ZDHHC14: variants seen among roughly 807,000 people sequenced by gnomAD.
ZDHHC14 encodes palmitoyltransferase ZDHHC14.
In ZDHHC14, 16 loss-of-function variants were observed where a neutral mutation model predicts 47.7. That is an observed-to-expected ratio of 0.34 (90% confidence interval 0.23 to 0.51). ZDHHC14 has a LOEUF of 0.51. Among genes scored for constraint, ZDHHC14 ranks in the 20% least tolerant of loss-of-function variants. The pLI is 0.97. For missense variants in ZDHHC14, 515 were observed against 662.5 expected (o/e 0.78, Z 2.44); for synonymous variants, 293 against 278.9 (o/e 1.05, Z -0.50).
At chr6:157,629,805 A>G (rs9365202) in intron 4 of ZDHHC14, 84,833 of 151,868 alleles carry the variant, frequency 0.56, 25,857 homozygotes, top group East Asian at 0.87. Context: ...TCTATTTTCA[A>G]AGTCCTCAAA....
chr6:157,482,617 A>G (rs1056614564), intron 1 of ZDHHC14, among the ~76,000 whole-genome samples: 3 of 152,002 alleles, frequency 2.0e-5, no homozygotes, highest in African/African-American at 4.8e-5. Context: ...CAAGCTGATC[A>G]ACACTGTCTT....
At chr6:157,531,355 C>G (rs1781359850) in intron 1 of ZDHHC14, among the ~76,000 whole-genome samples, 2 of 152,174 alleles carry the variant, frequency 1.3e-5, no homozygotes, top group South Asian at 4.2e-4. Context: ...TTCCGCCAGT[C>G]ACTCGGTGCA....
Position 157,463,129 on chromosome 6 carries a change from C to G in ZDHHC14, c.246-79456C>G, listed in dbSNP as rs141500866. On this transcript the variant is annotated intron_variant, in intron 1 of 8. Coordinates refer to ENST00000359775, the MANE Select transcript of ZDHHC14 (RefSeq NM_024630.3). This position sits in a 1 kb window ranked among gnomAD's most constrained non-coding sequence, Gnocchi z 4.4. ...GAGTTGTTGGCTATTCAGACATGCA[C>G]GTGAGGCAGCTGGAAATGAGATCCT... Among the ~76,000 whole-genome samples, 1 of 152,104 alleles carries G rather than the reference C, an allele frequency of 6.6e-6. No individual in the cohort carries two copies. Among genetic ancestry groups the G allele is most frequent in the African/African-American group, 2.4e-5 (1 of 41,384 alleles).
chr6:157,459,937 C>T (rs187285443), intron 1 of ZDHHC14, among the ~76,000 whole-genome samples: 9 of 150,988 alleles, frequency 6.0e-5, no homozygotes, highest in African/African-American at 1.7e-4. Flanking sequence ...TTAGGCCGGG[C>T]GTGGTGTCTC....
chr6:157,395,327 A>AT lies in ZDHHC14; in HGVS notation c.245+13079dup, dbSNP rs566892431. Among the ~76,000 whole-genome samples, 519 of 133,210 alleles carry AT rather than the reference A, an allele frequency of 3.9e-3. 1 individual carries two copies. Among genetic ancestry groups the AT allele is most frequent in the Middle Eastern group, 0.011 (3 of 264 alleles). 87.4% of individuals were successfully genotyped at this position (133,210 alleles called of 152,430 possible). A position where few individuals can be genotyped will look rare whatever the true frequency, so the allele number is the denominator to read the frequency against. ...AGGCACACACCACCACACCTAGCTAATTTTTTTTTTTTTTTTTTAGTAGAG... is the reference window on the plus strand; with the variant it reads ...AGGCACACACCACCACACCTAGCTAATTTTTTTTTTTTTTTTTTTAGTAGAG... On this transcript the variant is annotated intron_variant, in intron 1 of 8. Transcript: ENST00000359775.
intron 3 of ZDHHC14, among the ~76,000 whole-genome samples, chr6:157,604,176 A>G (rs1317951972): frequency 6.6e-6 from 1 of 151,904 alleles, no homozygotes; most frequent in African/African-American, 2.4e-5. Flanking sequence ...AAGCCCAACT[A>G]CCCAGGAGGC....
chr6:157,630,730 G>T (rs11964344), intron 4 of ZDHHC14: 6 of 143,300 alleles, frequency 4.2e-5, no homozygotes, highest in African/African-American at 1.3e-4. Flanking sequence ...CCCACACACC[G>T]CCTTACACAC....
rs112168600 is a variant in ZDHHC14, at chr6:157,563,785, A to G, written c.406+21040A>G. 7.3e-3 allele frequency among the ~76,000 whole-genome samples: 1,119 copies of G among 152,314 alleles called. 13 individuals are homozygous for G. The highest frequency in any genetic ancestry group is 0.026 in the African/African-American group (1,074 of 41,576). On this transcript the variant is annotated intron_variant, in intron 2 of 8. Coordinates refer to ENST00000359775, the MANE Select transcript of ZDHHC14 (RefSeq NM_024630.3). ...GCCAGACTTCTAGGTTAGTTAGTTG[A>G]GGCTGTGGGGCTGCGGTGAGTGAGG...
intron 1 of ZDHHC14, among the ~76,000 whole-genome samples, chr6:157,398,714 A>G (rs1487813166): frequency 6.6e-6 from 1 of 152,244 alleles, no homozygotes; most frequent in Non-Finnish European, 1.5e-5. Context: ...GATTGTATCA[A>G]ATTAAAATGT....
intron 5 of ZDHHC14, among the ~76,000 whole-genome samples, chr6:157,636,476 G>A (rs1028863580): frequency 6.6e-5 from 10 of 152,064 alleles, no homozygotes; most frequent in Admixed American, 6.5e-5. Context: ...GCTGGCCCAC[G>A]CTGCTCACAG....
chr6:157,485,033 GT>G (rs780502420), intron 1 of ZDHHC14, among the ~76,000 whole-genome samples: 1 of 152,128 alleles, frequency 6.6e-6, no homozygotes, highest in Non-Finnish European at 1.5e-5. Context: ...GGAGGCAGAG[GT>G]TGACATGAGA....
At chr6:157,551,032 G>A (rs1782209214) in intron 2 of ZDHHC14, among the ~76,000 whole-genome samples, 1 of 152,166 alleles carries the variant, frequency 6.6e-6, no homozygotes, top group Non-Finnish European at 1.5e-5. Context: ...AAAGGACCAA[G>A]TGGCATGAAG....
At chr6:157,567,829 T>TAA (rs1782963598) in intron 2 of ZDHHC14, among the ~76,000 whole-genome samples, 1 of 145,248 alleles carries the variant, frequency 6.9e-6, no homozygotes, top group Admixed American at 6.8e-5. Context: ...AAAAAAAAGT[T>TAA]GGACCAGATT....
At chr6:157,572,542 G>C (rs559526927) in intron 2 of ZDHHC14, among the ~76,000 whole-genome samples, 2 of 151,574 alleles carry the variant, frequency 1.3e-5, no homozygotes, top group Non-Finnish European at 2.9e-5. Flanking sequence ...TGTGCACAAC[G>C]TGCAGGTTTG....
chr6:157,568,423 T>TA (rs1276211127), intron 2 of ZDHHC14, among the ~76,000 whole-genome samples: 1 of 151,560 alleles, frequency 6.6e-6, no homozygotes, highest in African/African-American at 2.4e-5. Flanking sequence ...CATTGTACAT[T>TA]ACTATTTTGA....
intron 8 of ZDHHC14, among the ~76,000 whole-genome samples, chr6:157,663,616 C>A (rs1778431160): frequency 6.6e-6 from 1 of 152,162 alleles, no homozygotes; most frequent in Admixed American, 6.5e-5. Flanking sequence ...GGCGAACAGG[C>A]CTTTCTGTTG....
At chr6:157,592,493 G>A (rs1783946655) in intron 2 of ZDHHC14, among the ~76,000 whole-genome samples, 1 of 152,156 alleles carries the variant, frequency 6.6e-6, no homozygotes, top group African/African-American at 2.4e-5. Context: ...GCGAATTAGG[G>A]TGGTGTGTTA....
intron 1 of ZDHHC14, among the ~76,000 whole-genome samples, chr6:157,486,519 A>G (rs1779781097): frequency 6.6e-6 from 1 of 152,228 alleles, no homozygotes; most frequent in Non-Finnish European, 1.5e-5. Context: ...TGAATCATTT[A>G]TATAGATATT....
chr6:157,533,111 C>A (rs147554021), intron 1 of ZDHHC14, among the ~76,000 whole-genome samples: 1 of 152,090 alleles, frequency 6.6e-6, no homozygotes, highest in African/African-American at 2.4e-5. Flanking sequence ...GGATTGTCTC[C>A]GCTGTACTTT....
Sources: allele counts gnomAD v4.1 joint callset (sites outside exome capture counted in the v4.1 genomes callset), GRCh38; gene constraint gnomAD v4.1.1; non-coding constraint Gnocchi (gnomAD v3.1); transcripts MANE v1.5; gene names NCBI Gene and HGNC (gene_info 2026-07-23, HGNC 2026-07-21).